Variants in CYLC2 observed in about 807,000 individuals in gnomAD.
CYLC2 encodes the protein cylicin-2.
In CYLC2, 30 loss-of-function variants were observed where a neutral mutation model predicts 26.1. The observed-to-expected ratio is 1.15, with a 90% CI of 0.86 to 1.56. The LOEUF (loss-of-function observed/expected upper bound fraction) is 1.56. CYLC2 is among the 40% of genes most tolerant of loss of function. The probability of loss-of-function intolerance (pLI) is 0.00; values close to 1 mark genes in which losing one functional copy is unlikely to be tolerated. For missense variants in CYLC2, 498 were observed against 394.4 expected (o/e 1.26, Z -2.23); for synonymous variants, 158 against 132.8 (o/e 1.19, Z -1.31).
intron 5 of CYLC2, among the ~76,000 whole-genome samples, chr9:103,010,408 T>C (rs1236392104): frequency 6.6e-6 from 1 of 152,108 alleles, no homozygotes; most frequent in African/African-American, 2.4e-5. Context: ...CTAAACGCTT[T>C]CCTCGTATTA....
Position 103,005,681 on chromosome 9 carries a change from C to G in CYLC2, c.*3C>G. On this transcript the variant is annotated 3_prime_UTR_variant, in exon 5 of 8. Transcript: ENST00000374798. The stretch of plus-strand genomic sequence containing the variant: ...ATGCAAAGAAGAAGGGCAAGTAGGC[C>G]TTGGATAAGAATTTGAACCGAAAGA... 5.0e-6 allele frequency: 8 copies of G among 1,597,482 alleles called. No individual in the cohort carries two copies. Among genetic ancestry groups the G allele is most frequent in the Non-Finnish European group, 6.8e-6 (8 of 1,173,870 alleles).
At chr9:103,011,735 A>T (rs1396592333) in intron 5 of CYLC2, among the ~76,000 whole-genome samples, 1 of 152,044 alleles carries the variant, frequency 6.6e-6, no homozygotes, top group Non-Finnish European at 1.5e-5. Flanking sequence ...TCTAGAGAAA[A>T]AGGTATGTCT....
intron 2 of CYLC2, 135 bp from the exon 3 acceptor site, chr9:103,003,007 A>T: frequency 9.5e-7 from 1 of 1,049,582 alleles, no homozygotes; most frequent in South Asian, 1.7e-5. Context: ...AATTGCAAAC[A>T]TTACCAAATA....
chr9:103,017,700 C>A (rs1490044550), intron 7 of CYLC2, among the ~76,000 whole-genome samples: 2 of 152,000 alleles, frequency 1.3e-5, no homozygotes, highest in African/African-American at 4.8e-5. Context: ...TAGGGGTAGA[C>A]TGGTTTGCTA....
intron 1 of CYLC2, among the ~76,000 whole-genome samples, chr9:102,996,940 A>T (rs1477837609): frequency 6.6e-6 from 1 of 151,968 alleles, no homozygotes; most frequent in Non-Finnish European, 1.5e-5. Context: ...AAGATTTCTG[A>T]AACAGGTAGG....
intron 6 of CYLC2, among the ~76,000 whole-genome samples, chr9:103,013,478 T>C (rs1829441375): frequency 9.2e-6 from 1 of 109,262 alleles, no homozygotes; most frequent in African/African-American, 3.8e-5. Flanking sequence ...TATATAAATA[T>C]ATATTTAACA....
At position 103,005,201 on chromosome 9, in the gene CYLC2, A is replaced by C. The variant is rs1829329428; in HGVS notation, c.570A>C (p.Lys190Asn). The C allele has an allele frequency of 6.2e-7, 1 of 1,607,782 alleles. No individual in the cohort carries two copies. The highest frequency in any genetic ancestry group is 8.5e-7 in the Non-Finnish European group (1 of 1,178,476). Residue 190 changes from lysine to asparagine, a missense_variant, in exon 5 of 8, where the codon AAA becomes AAC. Transcript: ENST00000374798. Reference sequence around the variant, plus strand: ...AAGGAGGTGCAAAGAAAGATAACAAAAAAGATAAAAAGGATTCAAACAAAG... The same window carrying C: ...AAGGAGGTGCAAAGAAAGATAACAACAAAGATAAAAAGGATTCAAACAAAG... Reference protein sequence around the residue: ...DEKGGAKKDNKKDKKDSNKGK... With the variant: ...DEKGGAKKDNNKDKKDSNKGK...
At chr9:103,000,428 C>T (rs1244548626) in intron 1 of CYLC2, among the ~76,000 whole-genome samples, 1 of 151,990 alleles carries the variant, frequency 6.6e-6, no homozygotes, top group Non-Finnish European at 1.5e-5. Flanking sequence ...TGGAATAATG[C>T]AGTTCATAAT....
intron 1 of CYLC2, among the ~76,000 whole-genome samples, chr9:102,998,800 T>C (rs1829261215): frequency 6.6e-6 from 1 of 151,966 alleles, no homozygotes; most frequent in South Asian, 2.1e-4. Context: ...AACCAATGAC[T>C]GTTCAGTTAC....
rs772913316 is a variant in CYLC2 at position 103,016,896 on chromosome 9, A to T, written c.*825A>T. 1.3e-5 allele frequency: 2 copies of T among 152,006 alleles called. No homozygotes were observed. Among genetic ancestry groups the T allele is most frequent in the Non-Finnish European group, 2.9e-5 (2 of 67,970 alleles). The allele number at this position is 152,006 out of a possible 1,614,324, so 9.4% of individuals were successfully genotyped here. On this transcript the variant is annotated 3_prime_UTR_variant, in exon 7 of 8. Coordinates refer to ENST00000374798, the MANE Select transcript of CYLC2 (RefSeq NM_001340.5). Reference sequence around the variant, plus strand: ...CTTTTTGTTTTTGAAAGGGAAGGAAAATAGCTGGCATTTCTTGCTGGAGAA... The same window carrying T: ...CTTTTTGTTTTTGAAAGGGAAGGAATATAGCTGGCATTTCTTGCTGGAGAA...
intron 1 of CYLC2, among the ~76,000 whole-genome samples, chr9:103,000,423 T>A (rs1358307907): frequency 6.6e-6 from 1 of 152,054 alleles, no homozygotes; most frequent in Non-Finnish European, 1.5e-5. Flanking sequence ...GCATTTGGAA[T>A]AATGCAGTTC....
intron 5 of CYLC2, among the ~76,000 whole-genome samples, chr9:103,006,755 T>A (rs1369777417): frequency 3.3e-5 from 5 of 152,018 alleles, no homozygotes; most frequent in Admixed American, 2.6e-4. Context: ...AATTATTGTC[T>A]TTTTCATTTT....
intron 2 of CYLC2, 67 bp downstream of exon 2, chr9:103,001,685 A>G: frequency 3.1e-6 from 3 of 981,282 alleles, no homozygotes; most frequent in South Asian, 1.5e-5. Flanking sequence ...ATTATCCTCT[A>G]TTCAAAGTGA....
chr9:102,995,446 A>T (rs1400228392), intron 1 of CYLC2, 49 bp downstream of exon 1: 1 of 1,341,718 alleles, frequency 7.5e-7, no homozygotes, highest in East Asian at 2.3e-5. Flanking sequence ...CGTTAGCTTT[A>T]CATTTAACTT....
At chr9:103,014,084 T>C (rs1829456393) in intron 6 of CYLC2, among the ~76,000 whole-genome samples, 1 of 119,238 alleles carries the variant, frequency 8.4e-6, no homozygotes, top group Admixed American at 1.0e-4. Flanking sequence ...AATTTAAATA[T>C]TTAATATATA....
chr9:103,015,895 A>G (rs961893695), intron 6 of CYLC2, among the ~76,000 whole-genome samples: 1 of 150,234 alleles, frequency 6.7e-6, no homozygotes. Context: ...ACAGAAGCTA[A>G]TCTCAACTTC....
intron 5 of CYLC2, among the ~76,000 whole-genome samples, chr9:103,009,836 C>A (rs536724268): frequency 6.6e-6 from 1 of 151,644 alleles, no homozygotes; most frequent in African/African-American, 2.4e-5. Context: ...TTTGCCAACA[C>A]TTTTATCTTT....
chr9:103,005,055 A>C lies in CYLC2; in HGVS notation c.424A>C (p.Lys142Gln), dbSNP rs1362624503. Residue 142 changes from lysine (K) to glutamine (Q), a missense_variant, in exon 5 of 8, where the codon AAG becomes CAG. Physicochemically the swap from Lys to Gln is moderately conservative, Grantham distance 53. Transcript: ENST00000374798. ...SELKQGKKDS[K>Q]KGKDIEKGKE... ...ATTAAAACAAGGAAAAAAAGATTCA[A>C]AGAAAGGCAAGGATATAGAGAAAGG... The C allele has an allele frequency of 6.2e-7, 1 of 1,600,040 alleles. No individual in the cohort carries two copies. Among genetic ancestry groups the C allele is most frequent in the Non-Finnish European group, 8.5e-7 (1 of 1,176,330 alleles).
intron 1 of CYLC2, among the ~76,000 whole-genome samples, chr9:103,001,069 G>A (rs988275659): frequency 2.0e-5 from 3 of 151,730 alleles, no homozygotes; most frequent in Non-Finnish European, 4.4e-5. Flanking sequence ...CAAATTCACA[G>A]GTGCACATAT....
Sources: gnomAD v4.1 joint callset for allele counts (sites outside exome capture counted in the v4.1 genomes callset) on GRCh38, gnomAD v4.1.1 for gene constraint, MANE v1.5 for transcripts, NCBI Gene and HGNC (gene_info 2026-07-23, HGNC 2026-07-21) for gene names.